Variants in RORB observed in about 807,000 individuals in gnomAD.
RORB encodes RAR related orphan receptor B, also known as nuclear receptor ROR-beta.
A neutral mutation model predicts 59.1 loss-of-function variants in RORB; 6 were observed. That is an observed-to-expected ratio of 0.10 (90% confidence interval 0.06 to 0.20). The LOEUF (loss-of-function observed/expected upper bound fraction) is 0.20, where lower values mean the gene tolerates loss of function less well. RORB is among the 10% of genes least tolerant of loss of function. The pLI is 1.00. For synonymous variants in RORB, 215 were observed against 204.5 expected (o/e 1.05, Z -0.44); for missense variants, 320 against 560.5 (o/e 0.57, Z 4.33).
At chr9:74,500,769 G>C (rs1395833893) in intron 1 of RORB, among the ~76,000 whole-genome samples, 1 of 152,192 alleles carries the variant, frequency 6.6e-6, no homozygotes, top group Non-Finnish European at 1.5e-5. Context: ...GGGAAAGAAA[G>C]GGGTTAAGAG....
intron 1 of RORB, among the ~76,000 whole-genome samples, chr9:74,542,613 G>GT (rs1287858890): frequency 1.3e-5 from 2 of 152,176 alleles, no homozygotes; most frequent in African/African-American, 4.8e-5. Flanking sequence ...ATACTCTGCA[G>GT]TTTTTCACAA....
intron 1 of RORB, among the ~76,000 whole-genome samples, chr9:74,501,970 A>G (rs1006096151): frequency 6.6e-6 from 1 of 152,170 alleles, no homozygotes; most frequent in Admixed American, 6.5e-5. Context: ...ACCACAATAT[A>G]GCTTTTGCTC....
chr9:74,540,350 T>C (rs1826386859), intron 1 of RORB, among the ~76,000 whole-genome samples: 1 of 152,216 alleles, frequency 6.6e-6, no homozygotes, highest in Non-Finnish European at 1.5e-5. Context: ...TCAGTCACAT[T>C]ATTTAACCCC....
chr9:74,547,031 C>T (rs866424174), intron 1 of RORB, among the ~76,000 whole-genome samples: 1 of 152,056 alleles, frequency 6.6e-6, no homozygotes, highest in African/African-American at 2.4e-5. Flanking sequence ...GAGGCAGAGG[C>T]TGCAGTGAGC....
chr9:74,592,559 C>T (rs1563946606), intron 1 of RORB, among the ~76,000 whole-genome samples: 1 of 152,240 alleles, frequency 6.6e-6, no homozygotes, highest in East Asian at 1.9e-4. Context: ...CAAGTACTAC[C>T]TGTACATGAT....
chr9:74,561,720 A>T (rs1035814371), intron 1 of RORB, among the ~76,000 whole-genome samples: 48 of 152,322 alleles, frequency 3.2e-4, no homozygotes, highest in African/African-American at 1.1e-3. Flanking sequence ...AAAACCAGGA[A>T]ATTAACATTG....
At chr9:74,661,241 A>T (rs1384177431) in intron 5 of RORB, among the ~76,000 whole-genome samples, 1 of 152,190 alleles carries the variant, frequency 6.6e-6, no homozygotes, top group Non-Finnish European at 1.5e-5. Context: ...ACACTGTGTC[A>T]TTTCTTTGGG....
chr9:74,605,637 T>C (rs1393489319), intron 1 of RORB, among the ~76,000 whole-genome samples: 1 of 152,194 alleles, frequency 6.6e-6, no homozygotes, highest in African/African-American at 2.4e-5. Flanking sequence ...TCTTCAAGAC[T>C]TCTTCAAATA....
chr9:74,670,502 A>G (rs1824329682), intron 8 of RORB, among the ~76,000 whole-genome samples: 1 of 152,034 alleles, frequency 6.6e-6, no homozygotes, highest in Non-Finnish European at 1.5e-5. Flanking sequence ...CTTTTTCTAG[A>G]AAAAAAACAT....
At chr9:74,626,959 C>T (rs985977003) in intron 1 of RORB, among the ~76,000 whole-genome samples, 2 of 152,012 alleles carry the variant, frequency 1.3e-5, no homozygotes, top group Admixed American at 6.6e-5. Context: ...GTCAGGAGAT[C>T]GAGACCATCC....
intron 1 of RORB, among the ~76,000 whole-genome samples, chr9:74,522,194 T>C (rs1285865745): frequency 6.6e-6 from 1 of 151,794 alleles, no homozygotes; most frequent in African/African-American, 2.4e-5. Context: ...TTAGCATGCC[T>C]TCAATTTGTT....
chr9:74,553,826 G>C (rs1826648528), intron 1 of RORB, among the ~76,000 whole-genome samples: 1 of 152,130 alleles, frequency 6.6e-6, no homozygotes, highest in South Asian at 2.1e-4. Flanking sequence ...CTGAGCTATG[G>C]AGCCAGTTTT....
chr9:74,550,675 C>T (rs1247417026), intron 1 of RORB, among the ~76,000 whole-genome samples: 1 of 152,202 alleles, frequency 6.6e-6, no homozygotes, highest in Non-Finnish European at 1.5e-5. Flanking sequence ...TATACAGCTA[C>T]TCTGGAAGAA....
At chr9:74,679,046 AAAAC>A (rs1438518546) in intron 9 of RORB, among the ~76,000 whole-genome samples, 2 of 150,062 alleles carry the variant, frequency 1.3e-5, no homozygotes, top group African/African-American at 2.4e-5. Context: ...AAAAAAAACA[AAAAC>A]AAACAAACAA....
chr9:74,565,683 T>C (rs1046515242), intron 1 of RORB, among the ~76,000 whole-genome samples: 10 of 152,216 alleles, frequency 6.6e-5, no homozygotes, highest in Non-Finnish European at 4.4e-5. Context: ...GACCATGCCT[T>C]TCCCTAAAAA....
At chr9:74,560,171 T>C (rs1428330836) in intron 1 of RORB, among the ~76,000 whole-genome samples, 1 of 152,138 alleles carries the variant, frequency 6.6e-6, no homozygotes, top group Non-Finnish European at 1.5e-5. Flanking sequence ...CAATACGTCG[T>C]TTAGGAGTAA....
At chr9:74,503,800 T>C (rs1057118986) in intron 1 of RORB, among the ~76,000 whole-genome samples, 4 of 152,036 alleles carry the variant, frequency 2.6e-5, no homozygotes, top group African/African-American at 9.7e-5. Context: ...ATCTGATGAA[T>C]AGAAATGAGA....
At chr9:74,579,807 T>C (rs1189772147) in intron 1 of RORB, among the ~76,000 whole-genome samples, 1 of 152,172 alleles carries the variant, frequency 6.6e-6, no homozygotes, top group Non-Finnish European at 1.5e-5. Context: ...CTGGGAAGCC[T>C]TATCTGACCA....
intron 1 of RORB, among the ~76,000 whole-genome samples, chr9:74,543,803 T>C (rs1468252159): frequency 1.3e-5 from 2 of 152,096 alleles, no homozygotes; most frequent in Non-Finnish European, 2.9e-5. Flanking sequence ...TTTGTAGTAA[T>C]GCAAAGGAAA....
Sources: allele counts gnomAD v4.1 joint callset (sites outside exome capture counted in the v4.1 genomes callset), GRCh38; gene constraint gnomAD v4.1.1; transcripts MANE v1.5; gene names NCBI Gene and HGNC (gene_info 2026-07-23, HGNC 2026-07-21).